The following KCNMA1 variants were observed in gnomAD, a reference collection of about 807,000 sequenced individuals.
The protein encoded by KCNMA1 is potassium calcium-activated channel subfamily M alpha 1.
KCNMA1 carries 29 observed loss-of-function variants against 140.0 expected under a neutral mutation model. The ratio of observed to expected loss-of-function variants is 0.21; its 90% CI spans 0.15 to 0.28. KCNMA1 has a LOEUF of 0.28. Among genes scored for constraint, KCNMA1 ranks in the 10% least tolerant of loss-of-function variants. The pLI is 1.00. For synonymous variants in KCNMA1, 612 were observed against 611.9 expected (o/e 1.00, Z 0.00); for missense variants, 880 against 1,602.2 (o/e 0.55, Z 7.70).
At chr10:77,480,954 A>C (rs2098383457) in intron 1 of KCNMA1, among the ~76,000 whole-genome samples, 1 of 127,258 alleles carries the variant, frequency 7.9e-6, no homozygotes, top group Admixed American at 7.9e-5. Context: ...TACTAAAAAT[A>C]CAAAAAAAAA....
intron 16 of KCNMA1, chr10:77,020,040 A>T (rs1290730255): frequency 6.6e-6 from 1 of 152,214 alleles, no homozygotes; most frequent in African/African-American, 2.4e-5. Context: ...AGATTGTCTG[A>T]TGCAGAGACT....
chr10:77,132,382 C>T (rs918290068), intron 5 of KCNMA1, among the ~76,000 whole-genome samples: 2 of 152,044 alleles, frequency 1.3e-5, no homozygotes, highest in African/African-American at 4.8e-5. Flanking sequence ...TTTCCACATC[C>T]ATGTAATTGA....
In KCNMA1 at chr10:77,183,482, T is replaced by C. The variant is rs375991485; in HGVS notation, c.747A>G (p.Val249=). ...KLWFWLEVNS[V]VDFFTVPPVF... ...CGGGGGGCACCGTGAAGAAATCCAC[T>C]ACAGAGTTCACTTCCAGCCAGAACC... The change falls in exon 5 of 28, where the codon GTA becomes GTG. Residue 249 remains valine, a synonymous_variant. Coordinates refer to ENST00000286628, the MANE Select transcript of KCNMA1 (RefSeq NM_001161352.2). 6.2e-7 allele frequency: 1 copy of C among 1,613,862 alleles called. No homozygotes were observed. The highest frequency in any genetic ancestry group is 8.5e-7 in the Non-Finnish European group (1 of 1,179,958).
rs187530676 is a variant in KCNMA1, at chr10:77,134,939, A to G, written c.809-13891T>C. ...CGTGAACCCGGGAGGTGGAGATTGC[A>G]GTGAGCTGAGATCATGCCACCGCAC... On this transcript the variant is annotated intron_variant, in intron 5 of 27. Transcript: ENST00000286628. 8.1e-3 allele frequency among the ~76,000 whole-genome samples: 1,094 copies of G among 134,726 alleles called. 10 individuals carry two copies. The highest frequency in any genetic ancestry group is 0.028 in the African/African-American group (1,029 of 36,186). The allele number at this position is 134,726 out of a possible 152,430, so 88.4% of individuals were successfully genotyped here. A position where few individuals can be genotyped will look rare whatever the true frequency, so the allele number is the denominator to read the frequency against.
Position 77,462,762 on chromosome 10 carries a change from G to A in KCNMA1, c.379-58739C>T, listed in dbSNP as rs141765323. Among the ~76,000 whole-genome samples, 12 of 152,320 alleles carry A rather than the reference G, an allele frequency of 7.9e-5. No homozygotes were observed. The East Asian group carries it at 1.9e-3, about 25-fold the overall frequency. On this transcript the variant is annotated intron_variant, in intron 1 of 27. Coordinates refer to ENST00000286628, the MANE Select transcript of KCNMA1 (RefSeq NM_001161352.2). ...TAGTGCTCACGTTTCCTCAATGGAC[G>A]GATGAATGAAGTCGTCTCATGCCTG...
At chr10:76,940,675 TG>T (rs1565053148) in intron 23 of KCNMA1, among the ~76,000 whole-genome samples, 1 of 152,076 alleles carries the variant, frequency 6.6e-6, no homozygotes, top group African/African-American at 2.4e-5. Flanking sequence ...AAGTTAGATT[TG>T]TTTTCCAAAA....
At chr10:77,457,865 A>C (rs1426644418) in intron 1 of KCNMA1, among the ~76,000 whole-genome samples, 1 of 152,128 alleles carries the variant, frequency 6.6e-6, no homozygotes, top group Non-Finnish European at 1.5e-5. Flanking sequence ...GTCTGGTTCC[A>C]TTCCAGGAAA....
At chr10:76,946,179 C>G (rs1417056402) in intron 22 of KCNMA1, among the ~76,000 whole-genome samples, 1 of 152,126 alleles carries the variant, frequency 6.6e-6, no homozygotes, top group Non-Finnish European at 1.5e-5. Context: ...GGGCCATGGC[C>G]TCCACATGCT....
At chr10:77,482,971 T>TTC (rs149631676) in intron 1 of KCNMA1, among the ~76,000 whole-genome samples, 19 of 135,988 alleles carry the variant, frequency 1.4e-4, no homozygotes, top group Admixed American at 1.3e-3. Context: ...CCTTCCTCTC[T>TTC]TCTCTCTCTC....
At chr10:77,235,994 C>T (rs2055307140) in intron 3 of KCNMA1, among the ~76,000 whole-genome samples, 1 of 152,086 alleles carries the variant, frequency 6.6e-6, no homozygotes, top group Non-Finnish European at 1.5e-5. Flanking sequence ...GCTGACCATG[C>T]CAGAAAGTCT....
intron 3 of KCNMA1, among the ~76,000 whole-genome samples, chr10:77,245,697 G>GA (rs1254400309): frequency 1.3e-5 from 2 of 152,180 alleles, no homozygotes; most frequent in Non-Finnish European, 1.5e-5. Flanking sequence ...ATCTCATGGG[G>GA]AAACAGCATT....
chr10:77,448,803 T>G (rs548894392), intron 1 of KCNMA1, among the ~76,000 whole-genome samples: 55 of 152,274 alleles, frequency 3.6e-4, no homozygotes, highest in African/African-American at 1.3e-3. Flanking sequence ...AAAATACTAC[T>G]AACAGGCCGG....
intron 1 of KCNMA1, among the ~76,000 whole-genome samples, chr10:77,584,966 T>C (rs1306710919): frequency 6.6e-6 from 1 of 151,984 alleles, no homozygotes; most frequent in Non-Finnish European, 1.5e-5. Flanking sequence ...TGCACAGTCC[T>C]CTCAGCCACT....
chr10:77,324,474 T>G (rs2083286260), intron 2 of KCNMA1, among the ~76,000 whole-genome samples: 1 of 152,220 alleles, frequency 6.6e-6, no homozygotes, highest in Non-Finnish European at 1.5e-5. Flanking sequence ...CCCAGCTTAC[T>G]ATACCACTGT....
At chr10:77,109,878 G>C (rs2097281258) in intron 8 of KCNMA1, among the ~76,000 whole-genome samples, 2 of 152,112 alleles carry the variant, frequency 1.3e-5, no homozygotes, top group Admixed American at 1.3e-4. Flanking sequence ...CATTGCTAAG[G>C]GGTAGACACT....
rs192087822 is a variant in KCNMA1 at position 77,338,099 on chromosome 10, T to C, written c.540+65763A>G. ...TCAGGAGGAGCTCCAGCAAAGTATCTGTAAGGGAAGGGGTGAGTGAGCCTG... is the reference window on the plus strand; with the variant it reads ...TCAGGAGGAGCTCCAGCAAAGTATCCGTAAGGGAAGGGGTGAGTGAGCCTG... On this transcript the variant is annotated intron_variant, in intron 2 of 27. Transcript: ENST00000286628. Among the ~76,000 whole-genome samples the C allele has an allele frequency of 4.1e-3, 622 of 152,286 alleles. 7 individuals carry two copies. Among genetic ancestry groups the C allele is most frequent in the African/African-American group, 0.014 (601 of 41,550 alleles).
chr10:77,125,387 C>G (rs2153967497), intron 5 of KCNMA1, among the ~76,000 whole-genome samples: 1 of 152,348 alleles, frequency 6.6e-6, no homozygotes, highest in South Asian at 2.1e-4. Context: ...CAGATGTCTT[C>G]AGTGACACTT....
intron 3 of KCNMA1, among the ~76,000 whole-genome samples, chr10:77,226,115 T>C (rs541517248): frequency 5.3e-5 from 8 of 152,288 alleles, no homozygotes; most frequent in African/African-American, 1.7e-4. Flanking sequence ...TTAATCTCTT[T>C]TGAAATGCCA....
At chr10:77,292,180 C>T (rs2073491853) in intron 2 of KCNMA1, among the ~76,000 whole-genome samples, 4 of 152,134 alleles carry the variant, frequency 2.6e-5, no homozygotes, top group Admixed American at 2.6e-4. Flanking sequence ...AGATAGAAGG[C>T]ACAGCCGGCT....
Sources: allele counts gnomAD v4.1 joint callset (sites outside exome capture counted in the v4.1 genomes callset), GRCh38; gene constraint gnomAD v4.1.1; transcripts MANE v1.5; gene names NCBI Gene and HGNC (gene_info 2026-07-23, HGNC 2026-07-21).